The following EIF3L variants were observed in gnomAD, a reference collection of about 807,000 sequenced individuals.
The protein encoded by EIF3L is eukaryotic translation initiation factor 3 subunit L, also known as eIEF associated protein HSPC021.
EIF3L carries 32 observed loss-of-function variants against 74.6 expected under a neutral mutation model. That is an observed-to-expected ratio of 0.43 (90% CI 0.32 to 0.58). The LOEUF is 0.58. Among genes scored for constraint, EIF3L ranks in the 20% least tolerant of loss-of-function variants. EIF3L has a pLI of 0.06. For synonymous variants in EIF3L, 256 were observed against 254.4 expected (o/e 1.01, Z -0.06); for missense variants, 474 against 707.8 (o/e 0.67, Z 3.75).
intron 9 of EIF3L, among the ~76,000 whole-genome samples, chr22:37,875,409 A>G (rs972611168): frequency 6.6e-6 from 1 of 152,038 alleles, no homozygotes; most frequent in Non-Finnish European, 1.5e-5. Context: ...TAAAGATGTA[A>G]TTCTAAGATG....
chr22:37,873,963 A>C (rs1456578807), intron 8 of EIF3L, among the ~76,000 whole-genome samples: 2 of 152,160 alleles, frequency 1.3e-5, no homozygotes. Context: ...GTTGACAGTA[A>C]TTTTACCCAA....
chr22:37,877,744 A>G lies in EIF3L; in HGVS notation c.1148A>G (p.Asp383Gly). 1 of 1,613,796 alleles carries G rather than the reference A, an allele frequency of 6.2e-7. No homozygotes were observed. The highest frequency in any genetic ancestry group is 8.5e-7 in the Non-Finnish European group (1 of 1,179,832). The change falls in exon 11 of 13, where the codon GAT (aspartate) becomes GGT (glycine). Residue 383 changes from aspartate (D) to glycine (G), a missense_variant. Asp to Gly is a moderately conservative substitution (Grantham distance 94, BLOSUM62 -1). Around this residue, in one of 4 missense-constraint regions of EIF3L, gnomAD observed 293 missense variants for 469.1 expected, o/e 0.62. Transcript: ENST00000652021. ...CTCACGATGTACCCCATGCGTATTG[A>G]TGAGAGCATTCACCTCCAGCTGCGG... ...IALTMYPMRI[D>G]ESIHLQLREK...
At chr22:37,873,814 C>T (rs549365058) in intron 8 of EIF3L, among the ~76,000 whole-genome samples, 4 of 152,136 alleles carry the variant, frequency 2.6e-5, no homozygotes, top group Non-Finnish European at 4.4e-5. Flanking sequence ...CCTCCCATCT[C>T]GGCCTCTCAA....
At chr22:37,888,055 C>T (rs771627174) in intron 12 of EIF3L, 5 of 195,926 alleles carry the variant, frequency 2.6e-5, no homozygotes, top group Non-Finnish European at 4.1e-5. Context: ...GTTTAGATCA[C>T]ATCTGTCAGG....
chr22:37,851,423 G>T lies in EIF3L; in HGVS notation c.226G>T (p.Ala76Ser), dbSNP rs1368727868. ...TGACCAGAAAGTGTATGAGCTACAGGCCAGTCGTGTCTCCAGTGATGTCAT... is the reference window on the plus strand; with the variant it reads ...TGACCAGAAAGTGTATGAGCTACAGTCCAGTCGTGTCTCCAGTGATGTCAT... ...LIDQKVYELQ[A>S]SRVSSDVIDQ... The change falls in exon 3 of 13, where the codon GCC becomes TCC. Residue 76 changes from alanine to serine, a missense_variant. By Grantham distance (99) the Ala-to-Ser change is moderately conservative. This residue lies in a region of EIF3L where 141 missense variants were observed against 197.7 expected (regional missense o/e 0.71). Coordinates refer to ENST00000652021, the MANE Select transcript of EIF3L (RefSeq NM_016091.4). 3 of 1,613,886 alleles carry T rather than the reference G, an allele frequency of 1.9e-6. No individual in the cohort carries two copies. The highest frequency in any genetic ancestry group is 2.7e-5 in the African/African-American group (2 of 74,858).
At chr22:37,856,887 C>G (rs1219331404) in intron 4 of EIF3L, among the ~76,000 whole-genome samples, 2 of 150,356 alleles carry the variant, frequency 1.3e-5, no homozygotes, top group Non-Finnish European at 3.0e-5. Context: ...TTGGTAAGTC[C>G]TCCAACTTTG....
chr22:37,876,028 C>G lies in EIF3L; in HGVS notation c.1077+17C>G. 1 of 1,606,200 alleles carries G rather than the reference C, an allele frequency of 6.2e-7. No individual in the cohort carries two copies. ...TATGAGATGGTAAGGGGGACTCTGC[C>G]TGCCACCAGTGGCCTTTCTAATCAG... is the stretch of plus-strand genomic sequence containing the variant. On this transcript the variant is annotated intron_variant, in intron 10 of 12. Transcript: ENST00000652021.
chr22:37,867,063 G>T (rs1338668463), intron 7 of EIF3L, among the ~76,000 whole-genome samples: 1 of 152,124 alleles, frequency 6.6e-6, no homozygotes, highest in African/African-American at 2.4e-5. Context: ...AGAGATGGGG[G>T]TCTTGCCTTT....
chr22:37,862,338 G>A (rs1032295858), intron 5 of EIF3L, among the ~76,000 whole-genome samples: 2 of 152,138 alleles, frequency 1.3e-5, no homozygotes, highest in African/African-American at 2.4e-5. Context: ...GCAACATAAA[G>A]ACCAGACCAG....
At chr22:37,872,039 G>C (rs1926505154) in intron 8 of EIF3L, among the ~76,000 whole-genome samples, 1 of 152,058 alleles carries the variant, frequency 6.6e-6, no homozygotes, top group South Asian at 2.1e-4. Context: ...TGAGGAATCT[G>C]AAACTGTATT....
At chr22:37,858,518 A>G in intron 4 of EIF3L, 161 bp from the exon 5 acceptor site, 1 of 687,656 alleles carries the variant, frequency 1.5e-6, no homozygotes, top group East Asian at 2.6e-5. Flanking sequence ...TCAAATGAGA[A>G]GTGGATTTTC....
chr22:37,858,167 C>A (rs1010441365), intron 4 of EIF3L, among the ~76,000 whole-genome samples: 9 of 151,550 alleles, frequency 5.9e-5, no homozygotes, highest in Non-Finnish European at 1.3e-4. Context: ...CAGAGCGAGA[C>A]CCTGTCTTCA....
intron 7 of EIF3L, among the ~76,000 whole-genome samples, chr22:37,869,739 A>G (rs528418490): frequency 5.5e-4 from 83 of 152,244 alleles, no homozygotes; most frequent in African/African-American, 1.9e-3. Context: ...GAAGGCTCAC[A>G]CGTGCAGATA....
At chr22:37,873,454 T>C (rs926289261) in intron 8 of EIF3L, among the ~76,000 whole-genome samples, 1 of 151,666 alleles carries the variant, frequency 6.6e-6, no homozygotes, top group African/African-American at 2.4e-5. Flanking sequence ...CCCACCACCA[T>C]GCCCGGCTAA....
At chr22:37,860,381 G>A (rs2145809071) in intron 5 of EIF3L, among the ~76,000 whole-genome samples, 1 of 152,312 alleles carries the variant, frequency 6.6e-6, no homozygotes, top group Non-Finnish European at 1.5e-5. Flanking sequence ...TTGAGACGGA[G>A]TCTCGCTCTG....
At chr22:37,869,919 T>TA (rs1175348114) in intron 7 of EIF3L, among the ~76,000 whole-genome samples, 1 of 152,234 alleles carries the variant, frequency 6.6e-6, no homozygotes, top group Non-Finnish European at 1.5e-5. Context: ...TGGATGTTTT[T>TA]ACCACAGACT....
intron 8 of EIF3L, among the ~76,000 whole-genome samples, chr22:37,873,341 C>G (rs955600411): frequency 5.9e-5 from 9 of 151,426 alleles, no homozygotes; most frequent in Admixed American, 1.3e-4. Context: ...CTCTGTTGCC[C>G]AGGCTGGAGT....
chr22:37,879,468 C>G (rs559685594), intron 11 of EIF3L: 5 of 151,634 alleles, frequency 3.3e-5, no homozygotes, highest in East Asian at 2.0e-4. Flanking sequence ...GCACTGTAGC[C>G]TGGCAACAGA....
chr22:37,860,229 G>A (rs1344181164), intron 5 of EIF3L, among the ~76,000 whole-genome samples: 2 of 152,142 alleles, frequency 1.3e-5, no homozygotes, highest in African/African-American at 4.8e-5. Context: ...CTCAATAAAT[G>A]CTACCGTTTA....
Sources: gnomAD v4.1 joint callset for allele counts (sites outside exome capture counted in the v4.1 genomes callset) on GRCh38, gnomAD v4.1.1 for gene constraint, gnomAD v4.1.1 regional missense constraint, MANE v1.5 for transcripts, NCBI Gene and HGNC (gene_info 2026-07-23, HGNC 2026-07-21) for gene names.